The following PDE1C variants were observed in gnomAD, a reference collection of about 807,000 sequenced individuals.
PDE1C encodes the protein phosphodiesterase 1C.
In PDE1C, 62 loss-of-function variants were observed where a neutral mutation model predicts 93.1. That is an observed-to-expected ratio of 0.67 (90% CI 0.54 to 0.82). The LOEUF is 0.82. Ranked by LOEUF, PDE1C falls within the 40% of genes least tolerant of loss-of-function variation. The probability of loss-of-function intolerance (pLI) is 0.00; values close to 1 mark genes in which losing one functional copy is unlikely to be tolerated. For missense variants in PDE1C, 742 were observed against 884.6 expected, an observed-to-expected ratio of 0.84 and a Z score of 2.04; for synonymous variants, 325 against 310.1, an observed-to-expected ratio of 1.05 and a Z score of -0.50.
intron 1 of PDE1C, among the ~76,000 whole-genome samples, chr7:32,317,528 A>G (rs187057401): frequency 5.1e-4 from 77 of 152,174 alleles, no homozygotes; most frequent in African/African-American, 1.8e-3. Context: ...CCTGAAGGAG[A>G]TAACATTGTC....
chr7:32,220,218 C>T (rs1242002922), intron 1 of PDE1C, among the ~76,000 whole-genome samples: 1 of 152,110 alleles, frequency 6.6e-6, no homozygotes. Context: ...TTACAGTCCA[C>T]CCTGGACAAG....
At chr7:31,656,330 G>C in the PDE1C span, 93 of 225,970 alleles carry the variant, frequency 4.1e-4, 1 homozygote, top group South Asian at 0.012. Flanking sequence ...CTTTACCCTA[G>C]TTTCTTCCTC....
the PDE1C span, among the ~76,000 whole-genome samples, chr7:31,728,135 T>C: frequency 3.9e-5 from 6 of 152,342 alleles, no homozygotes; most frequent in African/African-American, 1.4e-4. Flanking sequence ...GTAAATCCTG[T>C]GAGCAGTTCT....
chr7:31,782,149 A>C (rs1053398888), intron 16 of PDE1C, among the ~76,000 whole-genome samples: 5 of 152,216 alleles, frequency 3.3e-5, no homozygotes, highest in Non-Finnish European at 7.3e-5. Context: ...TGGTTAAGTA[A>C]ATTGCGCTAG....
the PDE1C span, among the ~76,000 whole-genome samples, chr7:31,690,199 T>G: frequency 2.0e-5 from 3 of 152,232 alleles, no homozygotes; most frequent in Non-Finnish European, 4.4e-5. Flanking sequence ...TTTAGAATCT[T>G]TTCATTATAC....
intron 7 of PDE1C, among the ~76,000 whole-genome samples, chr7:31,859,566 T>C (rs909356856): frequency 7.2e-5 from 11 of 151,868 alleles, no homozygotes; most frequent in African/African-American, 2.4e-4. Flanking sequence ...ACCTAAGTAA[T>C]GGTCTCATAG....
intron 1 of PDE1C, among the ~76,000 whole-genome samples, chr7:32,312,640 A>T (rs567584871): frequency 6.6e-6 from 1 of 152,364 alleles, no homozygotes; most frequent in African/African-American, 2.4e-5. Flanking sequence ...CCTGACAAAA[A>T]CAAGAAATGG....
intron 2 of PDE1C, among the ~76,000 whole-genome samples, chr7:31,903,242 A>T (rs1800199967): frequency 6.6e-6 from 1 of 151,992 alleles, no homozygotes; most frequent in Non-Finnish European, 1.5e-5. Context: ...GAGTCATGGG[A>T]TACTACATAA....
chr7:31,858,884 A>G (rs1794334815), intron 7 of PDE1C, among the ~76,000 whole-genome samples: 1 of 152,020 alleles, frequency 6.6e-6, no homozygotes, highest in Non-Finnish European at 1.5e-5. Flanking sequence ...TGGTTAATAC[A>G]TAAGGAAAAT....
chr7:31,692,537 C>T, the PDE1C span: 32 of 1,578,596 alleles, frequency 2.0e-5, no homozygotes, highest in East Asian at 4.5e-5. Flanking sequence ...AACAAATGAT[C>T]GATTGTGAAT....
At chr7:32,361,205 C>T (rs1784130913) in intron 1 of PDE1C, among the ~76,000 whole-genome samples, 1 of 152,174 alleles carries the variant, frequency 6.6e-6, no homozygotes, top group South Asian at 2.1e-4. Flanking sequence ...AGTAGGAGCT[C>T]AAGCAGGCAT....
At chr7:32,132,402 G>A (rs1356938271) in intron 3 of PDE1C, among the ~76,000 whole-genome samples, 3 of 152,118 alleles carry the variant, frequency 2.0e-5, no homozygotes, top group Non-Finnish European at 2.9e-5. Context: ...AGTGGCTCAC[G>A]CCTGTAATCC....
chr7:31,863,107 A>T (rs1196108458), intron 7 of PDE1C, among the ~76,000 whole-genome samples: 1 of 152,182 alleles, frequency 6.6e-6, no homozygotes, highest in Non-Finnish European at 1.5e-5. Flanking sequence ...TTTCACTCAC[A>T]TTAAAAACAT....
chr7:32,071,051 G>A, upstream of PDE1C: 8 of 985,486 alleles, frequency 8.1e-6, no homozygotes, highest in Non-Finnish European at 9.6e-6. Flanking sequence ...GCTGGTGTCT[G>A]GGCTGTCACC....
intron 3 of PDE1C, among the ~76,000 whole-genome samples, chr7:32,133,817 A>C (rs1371238947): frequency 6.6e-6 from 1 of 152,156 alleles, no homozygotes; most frequent in Non-Finnish European, 1.5e-5. Flanking sequence ...CTTAACCCAA[A>C]TATCATAATT....
At chr7:32,407,772 G>T (rs1209465003) in intron 1 of PDE1C, among the ~76,000 whole-genome samples, 1 of 152,006 alleles carries the variant, frequency 6.6e-6, no homozygotes, top group Non-Finnish European at 1.5e-5. Flanking sequence ...GGAATGTGTG[G>T]AGCCTGGGTT....
chr7:32,202,761 A>C (rs938144069), intron 2 of PDE1C, among the ~76,000 whole-genome samples: 4 of 152,166 alleles, frequency 2.6e-5, no homozygotes, highest in Non-Finnish European at 5.9e-5. Context: ...ATAAGTGTAG[A>C]TAAGAAGCTA....
intron 7 of PDE1C, among the ~76,000 whole-genome samples, chr7:31,858,064 C>A (rs1033129053): frequency 1.3e-5 from 2 of 152,054 alleles, no homozygotes; most frequent in African/African-American, 4.8e-5. Flanking sequence ...TACCGAAAGA[C>A]TGGAAAACAT....
chr7:32,033,266 A>C (rs1790576835), intron 2 of PDE1C, among the ~76,000 whole-genome samples: 1 of 152,106 alleles, frequency 6.6e-6, no homozygotes, highest in African/African-American at 2.4e-5. Flanking sequence ...CTCAAAGAAA[A>C]GGGAGAAGCG....
Sources: allele counts gnomAD v4.1 joint callset (sites outside exome capture counted in the v4.1 genomes callset), GRCh38; gene constraint gnomAD v4.1.1; transcripts MANE v1.5; gene names NCBI Gene and HGNC (gene_info 2026-07-23, HGNC 2026-07-21).